HSF5: variants seen among roughly 807,000 people sequenced by gnomAD.
HSF5 encodes heat shock factor protein 5.
Under a neutral mutation model 50.8 loss-of-function variants are expected in HSF5, and 5 were observed. The observed-to-expected ratio is 0.10, with a 90% CI of 0.05 to 0.21. The LOEUF is 0.21. Ranked by LOEUF, HSF5 falls within the 10% of genes least tolerant of loss-of-function variation. The pLI is 1.00. For missense variants in HSF5, 564 were observed against 762.6 expected, an observed-to-expected ratio of 0.74 and a Z score of 3.07; for synonymous variants, 307 against 307.4, an observed-to-expected ratio of 1.00 and a Z score of 0.02.
intron 1 of HSF5, among the ~76,000 whole-genome samples, chr17:58,480,806 G>T (rs374539681): frequency 3.2e-4 from 22 of 69,758 alleles, no homozygotes; most frequent in African/African-American, 1.0e-3. Flanking sequence ...TATCTATCTA[G>T]CAACCGGGTC....
At chr17:58,483,937 G>A (rs1011614331) in intron 1 of HSF5, among the ~76,000 whole-genome samples, 3 of 152,006 alleles carry the variant, frequency 2.0e-5, no homozygotes, top group African/African-American at 7.3e-5. Context: ...GTGTAGTCAG[G>A]CACATAACCA....
rs754604497 is a variant in HSF5, at chr17:58,458,901, G to T, written c.1587C>A (p.Ile529=). 6.2e-7 allele frequency: 1 copy of T among 1,614,034 alleles called. No individual in the cohort carries two copies. Among genetic ancestry groups the T allele is most frequent in the Admixed American group, 1.7e-5 (1 of 59,986 alleles). Residue 529 remains isoleucine, a synonymous_variant, in exon 5 of 6, where the codon ATC becomes ATA. Coordinates refer to ENST00000323777, the MANE Select transcript of HSF5 (RefSeq NM_001080439.3). ...GGAATCCCATCTGTTCTGACGGCAA[G>T]ATATTCTCACGTGAACTGGTCTGGC... The part of the protein sequence containing the change: ...IKCQTSSREN[I]LPSEQMGFLI...
At chr17:58,442,268 C>T (rs887763930) in intron 5 of HSF5, among the ~76,000 whole-genome samples, 3 of 152,114 alleles carry the variant, frequency 2.0e-5, no homozygotes, top group Non-Finnish European at 2.9e-5. Flanking sequence ...CCAAAACTAC[C>T]CTAAAATTAA....
intron 5 of HSF5, among the ~76,000 whole-genome samples, chr17:58,427,942 A>G (rs1011344672): frequency 6.6e-6 from 1 of 152,266 alleles, no homozygotes. Flanking sequence ...CAATTGATCA[A>G]TTCTGCTATT....
chr17:58,422,358 C>G lies in HSF5; in HGVS notation c.*2G>C. 1 of 1,610,908 alleles carries G rather than the reference C, an allele frequency of 6.2e-7. No individual in the cohort carries two copies. The highest frequency in any genetic ancestry group is 1.3e-5 in the African/African-American group (1 of 74,996). On this transcript the variant is annotated 3_prime_UTR_variant, in exon 6 of 6. Transcript: ENST00000323777. ...CACAATGTCACATTTGTCATCCATT[C>G]CTCACTCTTTTAATTCTTCCTCCTT... is the stretch of plus-strand genomic sequence containing the variant.
intron 5 of HSF5, among the ~76,000 whole-genome samples, chr17:58,456,164 T>TACAC (rs756729016): frequency 0.017 from 2,220 of 130,570 alleles, 28 homozygotes; most frequent in African/African-American, 0.048. Context: ...TGTGTGTGTA[T>TACAC]ATACACACAC....
chr17:58,433,504 G>C (rs1974389467), intron 5 of HSF5, among the ~76,000 whole-genome samples: 1 of 152,112 alleles, frequency 6.6e-6, no homozygotes, highest in Non-Finnish European at 1.5e-5. Context: ...AGATTACCTA[G>C]GAATTGAATA....
chr17:58,453,434 A>G (rs1974666777), intron 5 of HSF5, among the ~76,000 whole-genome samples: 1 of 151,928 alleles, frequency 6.6e-6, no homozygotes, highest in South Asian at 2.1e-4. Context: ...TCTCTACTAA[A>G]AATACAAAAA....
intron 2 of HSF5, among the ~76,000 whole-genome samples, chr17:58,471,799 G>A (rs955581421): frequency 2.0e-5 from 3 of 151,846 alleles, no homozygotes; most frequent in African/African-American, 7.3e-5. Context: ...GTACCTTGGG[G>A]GAAAGCATAT....
intron 5 of HSF5, among the ~76,000 whole-genome samples, chr17:58,452,612 C>T (rs1567910851): frequency 6.6e-6 from 1 of 152,208 alleles, no homozygotes; most frequent in African/African-American, 2.4e-5. Context: ...GAGTTTGAGA[C>T]CAGCCTAGGC....
At chr17:58,438,570 T>C (rs1974457214) in intron 5 of HSF5, among the ~76,000 whole-genome samples, 1 of 152,090 alleles carries the variant, frequency 6.6e-6, no homozygotes, top group Non-Finnish European at 1.5e-5. Flanking sequence ...ACCATGGAAG[T>C]CAGACCACAC....
At chr17:58,481,450 T>C (rs934822340) in intron 1 of HSF5, among the ~76,000 whole-genome samples, 1 of 152,234 alleles carries the variant, frequency 6.6e-6, no homozygotes, top group East Asian at 1.9e-4. Context: ...ATTATGATTC[T>C]TGAACATAAA....
chr17:58,473,911 T>G (rs1974979126), intron 2 of HSF5, among the ~76,000 whole-genome samples: 1 of 151,990 alleles, frequency 6.6e-6, no homozygotes, highest in Non-Finnish European at 1.5e-5. Flanking sequence ...AATGGCACAA[T>G]CACGGATCAC....
intron 3 of HSF5, among the ~76,000 whole-genome samples, chr17:58,466,457 C>T (rs1228791314): frequency 3.3e-5 from 5 of 152,192 alleles, no homozygotes; most frequent in Non-Finnish European, 7.3e-5. Flanking sequence ...TGTTCTAGAT[C>T]TGTGCTGTAT....
intron 1 of HSF5, among the ~76,000 whole-genome samples, chr17:58,484,270 C>CAT (rs2143812165): frequency 6.6e-6 from 1 of 150,422 alleles, no homozygotes; most frequent in Non-Finnish European, 1.5e-5. Context: ...TATGGATTGA[C>CAT]ATATAATCTA....
intron 5 of HSF5, among the ~76,000 whole-genome samples, chr17:58,430,707 AC>A (rs946003946): frequency 1.2e-4 from 18 of 152,130 alleles, no homozygotes; most frequent in African/African-American, 4.3e-4. Context: ...GGACTGAGCT[AC>A]ACTGCCAGGG....
At position 58,427,356 on chromosome 17, in the gene HSF5, T is replaced by C. The variant is rs937079658; in HGVS notation, c.1721-4926A>G. On this transcript the variant is annotated intron_variant, in intron 5 of 5. Transcript: ENST00000323777. ...GGTTAAAGAAAATTTTAATTTAGTT[T>C]TTAAATTTTTATAATTTAGTTACGG... is the stretch of plus-strand genomic sequence containing the variant. Among the ~76,000 whole-genome samples the C allele has an allele frequency of 4.6e-5, 7 of 152,214 alleles. No individual in the cohort carries two copies. The South Asian group carries it at 8.3e-4, about 18-fold the overall frequency.
At chr17:58,448,185 TAGTC>T (rs756033868) in intron 5 of HSF5, among the ~76,000 whole-genome samples, 37 of 90,824 alleles carry the variant, frequency 4.1e-4, no homozygotes, top group Admixed American at 9.2e-4. Flanking sequence ...AAAAAGGAAA[TAGTC>T]AGAGGAGAAA....
rs891923149 is a variant in HSF5 at position 58,421,015 on chromosome 17, C to T, written c.*1345G>A. ...AATTAGTTTCATATTCCTAGGCTTT[C>T]CTTTCGTTTCTGCAGTGCTTAATAG... is the stretch of plus-strand genomic sequence containing the variant. On this transcript the variant is annotated 3_prime_UTR_variant, in exon 6 of 6. Coordinates refer to ENST00000323777, the MANE Select transcript of HSF5 (RefSeq NM_001080439.3). The T allele has an allele frequency of 6.6e-6, 1 of 152,564 alleles. No individual in the cohort carries two copies. The highest frequency in any genetic ancestry group is 2.4e-5 in the African/African-American group (1 of 41,428). 9.5% of individuals were successfully genotyped at this position (152,564 alleles called of 1,614,324 possible).
Sources: allele counts gnomAD v4.1 joint callset (sites outside exome capture counted in the v4.1 genomes callset), GRCh38; gene constraint gnomAD v4.1.1; transcripts MANE v1.5; gene names NCBI Gene and HGNC (gene_info 2026-07-23, HGNC 2026-07-21).